Variants in GALNT13 observed in about 807,000 individuals in gnomAD.
GALNT13 encodes the protein polypeptide N-acetylgalactosaminyltransferase 13.
Under a neutral mutation model 64.2 loss-of-function variants are expected in GALNT13, and 28 were observed. The observed-to-expected ratio is 0.44, with a 90% confidence interval of 0.32 to 0.60. The LOEUF is 0.60. Among genes scored for constraint, GALNT13 ranks in the 20% least tolerant of loss-of-function variants. The pLI is 0.05. For missense variants in GALNT13, 577 were observed against 669.8 expected (o/e 0.86, Z 1.53); for synonymous variants, 214 against 224.6 (o/e 0.95, Z 0.42).
At chr2:154,236,315 T>A in intron 4 of GALNT13, 1 of 287,920 alleles carries the variant, frequency 3.5e-6, no homozygotes, top group Non-Finnish European at 5.4e-6. Flanking sequence ...AGTACTTGAG[T>A]AACCATTCTC....
the GALNT13 span, among the ~76,000 whole-genome samples, chr2:153,325,127 T>TTTGTTTTG: frequency 6.8e-6 from 1 of 146,226 alleles, no homozygotes; most frequent in East Asian, 2.0e-4. Context: ...TTTTTTTTTT[T>TTTGTTTTG]TTTTTTTTTT....
At chr2:153,517,431 A>G in the GALNT13 span, among the ~76,000 whole-genome samples, 1 of 152,186 alleles carries the variant, frequency 6.6e-6, no homozygotes, top group Non-Finnish European at 1.5e-5. Context: ...ACAAGAAAAT[A>G]TAGTATGAGG....
chr2:153,734,103 T>C, the GALNT13 span, among the ~76,000 whole-genome samples: 1 of 152,172 alleles, frequency 6.6e-6, no homozygotes, highest in African/African-American at 2.4e-5. Context: ...TCAGAAGCCA[T>C]GTTCCATGCA....
At chr2:153,870,341 CAT>C (rs766305800), upstream of GALNT13, among the ~76,000 whole-genome samples, 15 of 151,986 alleles carry the variant, frequency 9.9e-5, no homozygotes, top group South Asian at 1.2e-3. Flanking sequence ...AGAGATGAAA[CAT>C]GTAAGAATGG....
intron 8 of GALNT13, among the ~76,000 whole-genome samples, chr2:154,264,256 C>T (rs1690858729): frequency 6.6e-6 from 1 of 152,042 alleles, no homozygotes; most frequent in African/African-American, 2.4e-5. Context: ...GTACCTGTAT[C>T]CTCCAGACAG....
At chr2:153,103,416 C>T in the GALNT13 span, among the ~76,000 whole-genome samples, 2 of 152,210 alleles carry the variant, frequency 1.3e-5, no homozygotes, top group African/African-American at 4.8e-5. Flanking sequence ...CCTGCCCACT[C>T]TACATAGGCC....
chr2:153,850,005 C>CAAAAAAA, the GALNT13 span, among the ~76,000 whole-genome samples: 542 of 84,302 alleles, frequency 6.4e-3, no homozygotes, highest in Non-Finnish European at 8.0e-3. Context: ...ACTAAAAATA[C>CAAAAAAA]AAAAAAAAAA....
At chr2:153,510,668 G>T in the GALNT13 span, among the ~76,000 whole-genome samples, 1 of 152,078 alleles carries the variant, frequency 6.6e-6, no homozygotes, top group African/African-American at 2.4e-5. Context: ...CAGAGATTCT[G>T]ATTTAATATG....
chr2:153,848,300 G>T, the GALNT13 span, among the ~76,000 whole-genome samples: 2 of 152,148 alleles, frequency 1.3e-5, no homozygotes, highest in African/African-American at 4.8e-5. Context: ...TAGTAGCAAA[G>T]AACACAGGAA....
intron 3 of GALNT13, among the ~76,000 whole-genome samples, chr2:154,093,694 T>G (rs1243628396): frequency 6.6e-6 from 1 of 150,716 alleles, no homozygotes; most frequent in Admixed American, 6.6e-5. Flanking sequence ...CATCGGACTC[T>G]TATGGGAATT....
At chr2:154,184,656 GC>G (rs1352993393) in intron 4 of GALNT13, among the ~76,000 whole-genome samples, 4 of 152,152 alleles carry the variant, frequency 2.6e-5, no homozygotes, top group East Asian at 3.9e-4. Flanking sequence ...GATTATGCAG[GC>G]TATATAAGAT....
intron 10 of GALNT13, among the ~76,000 whole-genome samples, chr2:154,407,555 C>A (rs962385523): frequency 2.0e-5 from 3 of 152,018 alleles, no homozygotes; most frequent in Non-Finnish European, 4.4e-5. Context: ...AGTGTCTGGA[C>A]CACCTGAAAT....
the GALNT13 span, among the ~76,000 whole-genome samples, chr2:153,839,177 A>G: frequency 6.6e-6 from 1 of 151,844 alleles, no homozygotes; most frequent in South Asian, 2.1e-4. Flanking sequence ...TAATGTTTAG[A>G]GTTTTGTATA....
At chr2:153,636,681 C>T in the GALNT13 span, among the ~76,000 whole-genome samples, 1 of 152,154 alleles carries the variant, frequency 6.6e-6, no homozygotes, top group Non-Finnish European at 1.5e-5. Flanking sequence ...TCTCTTCCTT[C>T]TAGTAGGGCC....
chr2:153,489,135 G>A, the GALNT13 span, among the ~76,000 whole-genome samples: 3 of 152,098 alleles, frequency 2.0e-5, no homozygotes, highest in Non-Finnish European at 4.4e-5. Context: ...GGAGAGTTGC[G>A]GGGGCTGAGG....
chr2:153,405,396 G>A, the GALNT13 span, among the ~76,000 whole-genome samples: 2 of 152,190 alleles, frequency 1.3e-5, no homozygotes, highest in Non-Finnish European at 2.9e-5. Context: ...AAGTGTGTGT[G>A]CCTGTGTATC....
the GALNT13 span, among the ~76,000 whole-genome samples, chr2:153,676,769 A>G: frequency 1.1e-4 from 17 of 152,252 alleles, no homozygotes; most frequent in South Asian, 2.7e-3. Flanking sequence ...AGAACTAAAA[A>G]CAAAAACCAC....
chr2:153,532,246 C>G, the GALNT13 span, among the ~76,000 whole-genome samples: 2 of 152,134 alleles, frequency 1.3e-5, no homozygotes, highest in Admixed American at 6.5e-5. Context: ...TCAACTCTTG[C>G]ATTCTGCATA....
chr2:153,740,184 A>G, the GALNT13 span, among the ~76,000 whole-genome samples: 1 of 151,982 alleles, frequency 6.6e-6, no homozygotes, highest in Non-Finnish European at 1.5e-5. Flanking sequence ...ATATATTTTC[A>G]ACCTGGTTAC....
Sources: allele counts gnomAD v4.1 joint callset (sites outside exome capture counted in the v4.1 genomes callset), GRCh38; gene constraint gnomAD v4.1.1; transcripts MANE v1.5; gene names NCBI Gene and HGNC (gene_info 2026-07-23, HGNC 2026-07-21).